ARPP21: variants seen among roughly 807,000 people sequenced by gnomAD.
ARPP21 encodes the protein cAMP regulated phosphoprotein 21.
Under a neutral mutation model 113.2 loss-of-function variants are expected in ARPP21, and 69 were observed. The ratio of observed to expected loss-of-function variants is 0.61; its 90% CI spans 0.50 to 0.74. ARPP21 has a LOEUF of 0.74. ARPP21 is among the 30% of genes least tolerant of loss of function. The pLI, the probability that ARPP21 is intolerant of heterozygous loss-of-function variation, is 0.00. For synonymous variants in ARPP21, 368 were observed against 375.5 expected (o/e 0.98, Z 0.23); for missense variants, 1,070 against 1,037.4 (o/e 1.03, Z -0.43).
chr3:35,719,462 G>A (rs1012821562), intron 13 of ARPP21, among the ~76,000 whole-genome samples: 3 of 152,160 alleles, frequency 2.0e-5, no homozygotes, highest in Non-Finnish European at 4.4e-5. Flanking sequence ...AGCAGGTGAT[G>A]TGACATAAGT....
Position 35,689,343 on chromosome 3 carries a change from A to C in ARPP21, c.443A>C (p.Asp148Ala). 1.9e-6 allele frequency: 3 copies of C among 1,587,422 alleles called. No homozygotes were observed. Among genetic ancestry groups the C allele is most frequent in the Non-Finnish European group, 1.7e-6 (2 of 1,156,706 alleles). ...GAATACACGGATTCTACAGGCATAGACTTACACGAGTTTCTGATTAACACA... is the reference window on the plus strand; with the variant it reads ...GAATACACGGATTCTACAGGCATAGCCTTACACGAGTTTCTGATTAACACA... ...SQEYTDSTGI[D>A]LHEFLINTLK... is the part of the protein sequence containing the mutation. Residue 148 changes from aspartate (D) to alanine (A), a missense_variant, in exon 7 of 21, where the codon GAC becomes GCC. Physicochemically the swap from Asp to Ala is moderately radical, Grantham distance 126. Coordinates refer to ENST00000684406, the MANE Select transcript of ARPP21 (RefSeq NM_001385562.1).
At chr3:35,685,944 TA>T (rs1233056250) in intron 5 of ARPP21, 7 of 360,614 alleles carry the variant, frequency 1.9e-5, no homozygotes, top group Non-Finnish European at 2.3e-5. Flanking sequence ...ATAGAAAAGA[TA>T]TTTTTTTTCC....
rs1339711411 is a variant in ARPP21, at chr3:35,640,125, GAGCCGCCGCCGC to G, written c.-481_-470del. ...GGCAGCGGGGACACAAGCCGCGACC[GAGCCGCCGCCGC>G]AGCCCTGGCTGCCACAGCTGTGTGG... On this transcript the variant is annotated 5_prime_UTR_variant, in exon 1 of 21. Coordinates refer to ENST00000684406, the MANE Select transcript of ARPP21 (RefSeq NM_001385562.1). The G allele has an allele frequency of 6.6e-6, 1 of 152,304 alleles. No individual in the cohort carries two copies. Among genetic ancestry groups the G allele is most frequent in the Non-Finnish European group, 1.5e-5 (1 of 68,138 alleles). 9.4% of individuals were successfully genotyped at this position (152,304 alleles called of 1,614,324 possible).
At chr3:35,750,833 A>C (rs1276594969) in intron 19 of ARPP21, among the ~76,000 whole-genome samples, 2 of 152,188 alleles carry the variant, frequency 1.3e-5, no homozygotes, top group African/African-American at 4.8e-5. Flanking sequence ...ACCTAAAAAA[A>C]AGTTAACATT....
chr3:35,696,618 G>T (rs2084131167), intron 9 of ARPP21, among the ~76,000 whole-genome samples: 1 of 151,296 alleles, frequency 6.6e-6, no homozygotes, highest in Non-Finnish European at 1.5e-5. Context: ...TTTTTTTATG[G>T]AATTTTTTGT....
intron 1 of ARPP21, among the ~76,000 whole-genome samples, chr3:35,672,440 G>T (rs997316896): frequency 6.6e-6 from 1 of 152,024 alleles, no homozygotes; most frequent in Non-Finnish European, 1.5e-5. Flanking sequence ...AAACTTTATT[G>T]CCACATTAGT....
intron 13 of ARPP21, among the ~76,000 whole-genome samples, chr3:35,720,147 G>A (rs569666665): frequency 6.6e-6 from 1 of 151,652 alleles, no homozygotes; most frequent in East Asian, 1.9e-4. Flanking sequence ...AGAACAGAGA[G>A]AATGTAAAAT....
At chr3:35,738,707 G>T (rs933382055) in intron 17 of ARPP21, among the ~76,000 whole-genome samples, 1 of 152,168 alleles carries the variant, frequency 6.6e-6, no homozygotes, top group Non-Finnish European at 1.5e-5. Context: ...AGGTGCCCCC[G>T]CAATTCCAAT....
chr3:35,750,724 C>T (rs975150766), intron 19 of ARPP21, among the ~76,000 whole-genome samples: 1 of 152,148 alleles, frequency 6.6e-6, no homozygotes, highest in African/African-American at 2.4e-5. Flanking sequence ...CAAAAGTTGC[C>T]TCCAGTGTCC....
intron 6 of ARPP21, 37 bp from the exon 7 acceptor site, chr3:35,689,270 A>G (rs1366633053): frequency 2.1e-6 from 2 of 962,340 alleles, no homozygotes; most frequent in Admixed American, 1.7e-5. Flanking sequence ...CCTTTCCACC[A>G]TCATTCCTGA....
chr3:35,771,516 A>T (rs1466868771), intron 19 of ARPP21, among the ~76,000 whole-genome samples: 2 of 151,968 alleles, frequency 1.3e-5, no homozygotes, highest in Non-Finnish European at 2.9e-5. Context: ...TTTAGTAATG[A>T]CGGGGTTTCA....
rs536774157 is a variant in ARPP21 at position 35,764,917 on chromosome 3, A to G, written c.2137+20952A>G. 8.0e-4 allele frequency among the ~76,000 whole-genome samples: 122 copies of G among 152,250 alleles called. 1 individual carries two copies. The South Asian group carries it at 0.024, about 31-fold the overall frequency. ...AAGCAGTTTAACATTCATTATTTCTAAAACCTTTTCACTTCACAGGATCTG... is the reference window on the plus strand; with the variant it reads ...AAGCAGTTTAACATTCATTATTTCTGAAACCTTTTCACTTCACAGGATCTG... On this transcript the variant is annotated intron_variant, in intron 19 of 20. Coordinates refer to ENST00000684406, the MANE Select transcript of ARPP21 (RefSeq NM_001385562.1).
At position 35,794,348 on chromosome 3, in the gene ARPP21, AAAGAAGAATTGATGAATTG is replaced by A. The variant is rs2096798772; in HGVS notation, c.*394_*412del. ...TGTACCAAAGCTGTAATGGAAAAGCAAAGAAGAATTGATGAATTGAAGGAATAATTTATATACATTATAG... is the reference window on the plus strand; with the variant it reads ...TGTACCAAAGCTGTAATGGAAAAGCAAAGGAATAATTTATATACATTATAG... On this transcript the variant is annotated 3_prime_UTR_variant, in exon 21 of 21. Coordinates refer to ENST00000684406, the MANE Select transcript of ARPP21 (RefSeq NM_001385562.1). 5.0e-6 allele frequency: 1 copy of A among 200,592 alleles called. No homozygotes were observed. Among genetic ancestry groups the A allele is most frequent in the African/African-American group, 2.3e-5 (1 of 43,308 alleles). 12.4% of individuals were successfully genotyped at this position (200,592 alleles called of 1,614,324 possible).
intron 19 of ARPP21, among the ~76,000 whole-genome samples, chr3:35,756,284 A>C (rs1254864765): frequency 6.6e-6 from 1 of 152,078 alleles, no homozygotes; most frequent in East Asian, 1.9e-4. Context: ...TAAAAGAAAC[A>C]CTGTAACTTA....
At chr3:35,694,845 C>T (rs2083363795) in intron 9 of ARPP21, among the ~76,000 whole-genome samples, 2 of 150,030 alleles carry the variant, frequency 1.3e-5, no homozygotes, top group Non-Finnish European at 1.5e-5. Flanking sequence ...GCTAGATTTG[C>T]TGTGCTTATT....
At chr3:35,782,961 C>T (rs896451213) in intron 19 of ARPP21, among the ~76,000 whole-genome samples, 12 of 151,910 alleles carry the variant, frequency 7.9e-5, no homozygotes, top group South Asian at 4.2e-4. Context: ...TTGAGGTCAC[C>T]GGTTTGTTTG....
chr3:35,757,162 A>G (rs2095602376), intron 19 of ARPP21, among the ~76,000 whole-genome samples: 1 of 151,120 alleles, frequency 6.6e-6, no homozygotes, highest in Non-Finnish European at 1.5e-5. Flanking sequence ...GCCGAGCTCA[A>G]ATAAGCCTCC....
chr3:35,751,705 A>G (rs1023942374), intron 19 of ARPP21, among the ~76,000 whole-genome samples: 2 of 152,154 alleles, frequency 1.3e-5, no homozygotes, highest in African/African-American at 4.8e-5. Context: ...GAGGAAAGTG[A>G]GGCTAGAAGG....
chr3:35,749,524 G>A (rs2095323884), intron 19 of ARPP21, among the ~76,000 whole-genome samples: 1 of 150,408 alleles, frequency 6.6e-6, no homozygotes, highest in Admixed American at 6.6e-5. Context: ...TTGGTTTAGT[G>A]TCAGAGTAAC....
Sources: allele counts gnomAD v4.1 joint callset (sites outside exome capture counted in the v4.1 genomes callset), GRCh38; gene constraint gnomAD v4.1.1; transcripts MANE v1.5; gene names NCBI Gene and HGNC (gene_info 2026-07-23, HGNC 2026-07-21).